Variants in NSD2 observed in about 807,000 individuals in gnomAD.
NSD2 encodes histone-lysine N-methyltransferase NSD2.
A neutral mutation model predicts 139.0 loss-of-function variants in NSD2; 12 were observed. The ratio of observed to expected loss-of-function variants is 0.09; its 90% CI spans 0.06 to 0.14. The LOEUF (loss-of-function observed/expected upper bound fraction) is 0.14, where lower values mean the gene tolerates loss of function less well. NSD2 is among the 10% of genes least tolerant of loss of function. NSD2 has a pLI of 1.00. For missense variants in NSD2, 1,155 were observed against 1,745.0 expected (o/e 0.66, Z 6.02); for synonymous variants, 669 against 648.7 (o/e 1.03, Z -0.48).
chr4:1,953,553 T>C (rs761973756), intron 12 of NSD2, 29 bp downstream of exon 12: 81 of 1,573,310 alleles, frequency 5.1e-5, no homozygotes, highest in Non-Finnish European at 6.7e-5. Flanking sequence ...AGCCTTGCTG[T>C]GGGTTCAGAT....
At chr4:1,936,667 CAAAAAAAAAAAA>C (rs879590049) in intron 7 of NSD2, among the ~76,000 whole-genome samples, 1 of 52,492 alleles carries the variant, frequency 1.9e-5, no homozygotes, top group Non-Finnish European at 4.5e-5. Flanking sequence ...GACTCCATCT[CAAAAAAAAAAAA>C]AAAAAAAAAA....
intron 21 of NSD2, 26 bp from the exon 22 acceptor site, chr4:1,978,612 T>C: frequency 6.3e-7 from 1 of 1,581,914 alleles, no homozygotes; most frequent in Non-Finnish European, 8.6e-7. Flanking sequence ...CACTTCTGTG[T>C]GCTCACATCT....
At chr4:1,891,204 T>C (rs1560566576) in intron 1 of NSD2, among the ~76,000 whole-genome samples, 1 of 152,198 alleles carries the variant, frequency 6.6e-6, no homozygotes, top group Non-Finnish European at 1.5e-5. Flanking sequence ...TACGTGGAAT[T>C]GTTTTATATG....
intron 1 of NSD2, among the ~76,000 whole-genome samples, chr4:1,882,127 T>G (rs534452102): frequency 9.2e-4 from 140 of 152,296 alleles, no homozygotes; most frequent in African/African-American, 3.2e-3. Context: ...CGGAAGAGTG[T>G]GTACAGAAGC....
At chr4:1,894,277 C>T (rs1715940209) in intron 1 of NSD2, among the ~76,000 whole-genome samples, 2 of 152,184 alleles carry the variant, frequency 1.3e-5, no homozygotes, top group African/African-American at 2.4e-5. Flanking sequence ...GTTTGTCCTC[C>T]ATGTTCTGTC....
chr4:1,874,260 T>C (rs368339806), intron 1 of NSD2, among the ~76,000 whole-genome samples: 1 of 152,176 alleles, frequency 6.6e-6, no homozygotes, highest in Non-Finnish European at 1.5e-5. Flanking sequence ...TTTGCTTGAT[T>C]GTAGTAAGTG....
chr4:1,942,163 A>G lies in NSD2; in HGVS notation c.1881+2385A>G, dbSNP rs1723166922. 2 of 1,298,818 alleles carry G rather than the reference A, an allele frequency of 1.5e-6. No homozygotes were observed. Among genetic ancestry groups the G allele is most frequent in the Non-Finnish European group, 2.0e-6 (2 of 1,021,482 alleles). 80.5% of individuals were successfully genotyped at this position (1,298,818 alleles called of 1,614,324 possible). ...GTATATGTGATAAATAAAAATTTTTATTGGAATAATTATTACATGGTACTA... is the reference window on the plus strand; with the variant it reads ...GTATATGTGATAAATAAAAATTTTTGTTGGAATAATTATTACATGGTACTA... On this transcript the variant is annotated intron_variant, in intron 9 of 21. Coordinates refer to ENST00000508803, the MANE Select transcript of NSD2 (RefSeq NM_001042424.3). The surrounding 1 kb of genome is among the most constrained non-coding windows in gnomAD (Gnocchi z 4.0).
chr4:1,941,686 T>G, intron 9 of NSD2: 7 of 1,046,042 alleles, frequency 6.7e-6, no homozygotes, highest in Non-Finnish European at 8.1e-6. Context: ...ATCATGTTCC[T>G]TATATGAAAA....
chr4:1,895,994 C>A (rs1478657812), intron 1 of NSD2, among the ~76,000 whole-genome samples: 1 of 152,236 alleles, frequency 6.6e-6, no homozygotes, highest in Non-Finnish European at 1.5e-5. Flanking sequence ...GTGGTGGCTT[C>A]TTTTCCTCCT....
At chr4:1,946,923 T>C (rs144532092) in intron 9 of NSD2, 20,126 of 1,059,400 alleles carry the variant, frequency 0.019, 209 homozygotes, top group Non-Finnish European at 0.021. Context: ...CTAGCCTACC[T>C]ATAGTTGTTG....
At chr4:1,977,303 AC>A (rs1727192307) in intron 21 of NSD2, among the ~76,000 whole-genome samples, 1 of 152,248 alleles carries the variant, frequency 6.6e-6, no homozygotes, top group Non-Finnish European at 1.5e-5. Context: ...GTCTTGTTCC[AC>A]TTGGTGATGA....
rs1727689297 is a variant in NSD2 at position 1,980,843 on chromosome 4, A to G, written c.*1934A>G. On this transcript the variant is annotated 3_prime_UTR_variant, in exon 22 of 22. Coordinates refer to ENST00000508803, the MANE Select transcript of NSD2 (RefSeq NM_001042424.3). The stretch of plus-strand genomic sequence containing the variant: ...CCAGTTCAGACTCTAACTTCTCCCA[A>G]AGTGTCCTAAGAAAATACTGGATCG... The G allele has an allele frequency of 4.3e-6, 1 of 233,274 alleles. No homozygotes were observed. The highest frequency in any genetic ancestry group is 8.5e-6 in the Non-Finnish European group (1 of 118,022). The allele number at this position is 233,274 out of a possible 1,614,324, so 14.5% of individuals were successfully genotyped here. A position where few individuals can be genotyped will look rare whatever the true frequency, so the allele number is the denominator to read the frequency against.
chr4:1,913,230 C>T (rs574999814), intron 3 of NSD2, among the ~76,000 whole-genome samples: 21 of 152,356 alleles, frequency 1.4e-4, no homozygotes, highest in Admixed American at 1.0e-3. Context: ...CTAGCGGTAA[C>T]GCCAGTGCCT....
intron 7 of NSD2, among the ~76,000 whole-genome samples, chr4:1,936,553 C>G (rs71606381): frequency 1.7e-4 from 25 of 151,368 alleles, no homozygotes; most frequent in African/African-American, 5.8e-4. Context: ...TGCCTGTAAT[C>G]TCAGCTACTC....
At chr4:1,886,234 T>C (rs1185962875) in intron 1 of NSD2, among the ~76,000 whole-genome samples, 1 of 152,120 alleles carries the variant, frequency 6.6e-6, no homozygotes, top group Non-Finnish European at 1.5e-5. Context: ...TGAGACAGGA[T>C]CTCACTGTGT....
At position 1,959,467 on chromosome 4, in the gene NSD2, G is replaced by A. The variant is rs767215453; in HGVS notation, c.2986-4G>A. ...GACCAAGACAGCTTACTCCTTCCCT[G>A]CAGGTGAATAAGCCTTACGGGAAAG... is the stretch of plus-strand genomic sequence containing the variant. On this transcript the variant is annotated splice_polypyrimidine_tract_variant and splice_region_variant and intron_variant, in intron 16 of 21. Coordinates refer to ENST00000508803, the MANE Select transcript of NSD2 (RefSeq NM_001042424.3). 6.2e-7 allele frequency: 1 copy of A among 1,612,494 alleles called. No individual in the cohort carries two copies. The highest frequency in any genetic ancestry group is 1.1e-5 in the South Asian group (1 of 90,886).
In NSD2 at chr4:1,900,608, T is replaced by C. The variant is rs1331136887; in HGVS notation, c.-29-18T>C. ...GTAATTGCTTTTTCTTTCTTTTTTC[T>C]TTTTTTTAATACCATAGTGTTCTAA... On this transcript the variant is annotated intron_variant, in intron 1 of 21. Coordinates refer to ENST00000508803, the MANE Select transcript of NSD2 (RefSeq NM_001042424.3). 2 of 1,440,134 alleles carry C rather than the reference T, an allele frequency of 1.4e-6. No homozygotes were observed. The highest frequency in any genetic ancestry group is 2.4e-5 in the East Asian group (1 of 42,488). 89.2% of individuals were successfully genotyped at this position (1,440,134 alleles called of 1,614,324 possible). A position where few individuals can be genotyped will look rare whatever the true frequency, so the allele number is the denominator to read the frequency against.
chr4:1,981,895 C>T lies in NSD2; in HGVS notation c.*2986C>T, dbSNP rs936915449. On this transcript the variant is annotated 3_prime_UTR_variant, in exon 22 of 22. Coordinates refer to ENST00000508803, the MANE Select transcript of NSD2 (RefSeq NM_001042424.3). ...ATGCTGTGTCCACGGGGTGTCACAG[C>T]CTCACCATACCCTGTTGAGGTGTGA... 11 of 398,518 alleles carry T rather than the reference C, an allele frequency of 2.8e-5. No individual in the cohort carries two copies. The highest frequency in any genetic ancestry group is 4.0e-5 in the Non-Finnish European group (9 of 226,078). The allele number at this position is 398,518 out of a possible 1,614,324, so 24.7% of individuals were successfully genotyped here. A position where few individuals can be genotyped will look rare whatever the true frequency, so the allele number is the denominator to read the frequency against.
intron 5 of NSD2, among the ~76,000 whole-genome samples, chr4:1,922,289 G>A (rs1325138037): frequency 1.3e-5 from 2 of 152,156 alleles, no homozygotes; most frequent in African/African-American, 4.8e-5. Flanking sequence ...ACATACAAGT[G>A]CAGCATCAAA....
Sources: gnomAD v4.1 joint callset for allele counts (sites outside exome capture counted in the v4.1 genomes callset) on GRCh38, gnomAD v4.1.1 for gene constraint, Gnocchi (gnomAD v3.1) non-coding constraint, MANE v1.5 for transcripts, NCBI Gene and HGNC (gene_info 2026-07-23, HGNC 2026-07-21) for gene names.